The following PALLD variants were observed in gnomAD, a reference collection of about 807,000 sequenced individuals.
The protein encoded by PALLD is palladin, cytoskeletal associated protein, also known as palladin.
A neutral mutation model predicts 123.5 loss-of-function variants in PALLD; 61 were observed. That is an observed-to-expected ratio of 0.49 (90% CI 0.40 to 0.61). The LOEUF (loss-of-function observed/expected upper bound fraction) is 0.61, where lower values mean the gene tolerates loss of function less well. Among genes scored for constraint, PALLD ranks in the 20% least tolerant of loss-of-function variants. The pLI is 0.00. For synonymous variants in PALLD, 465 were observed against 496.4 expected (o/e 0.94, Z 0.84); for missense variants, 1,273 against 1,377.0 (o/e 0.92, Z 1.20).
intron 10 of PALLD, among the ~76,000 whole-genome samples, chr4:168,833,546 G>A (rs1046261266): frequency 2.6e-4 from 39 of 152,076 alleles, no homozygotes; most frequent in African/African-American, 9.2e-4. Flanking sequence ...GCCTTGAAAA[G>A]CTCCCCTCCG....
chr4:168,790,752 TACAC>T (rs773403677), intron 10 of PALLD, among the ~76,000 whole-genome samples: 178 of 152,308 alleles, frequency 1.2e-3, no homozygotes, highest in Admixed American at 3.7e-3. Flanking sequence ...CTAGCATGCA[TACAC>T]ACACACTGAG....
chr4:168,631,605 G>C, intron 2 of PALLD: 1 of 985,520 alleles, frequency 1.0e-6, no homozygotes, highest in Non-Finnish European at 1.2e-6. Context: ...GCCCCTCGGC[G>C]AGACGCGGCG....
chr4:168,501,801 G>A (rs1761435480), intron 1 of PALLD, among the ~76,000 whole-genome samples: 1 of 152,162 alleles, frequency 6.6e-6, no homozygotes, highest in African/African-American at 2.4e-5. Context: ...CGCCAAGGGT[G>A]TGCCCCCCAA....
chr4:168,675,377 A>G (rs1384267918), intron 3 of PALLD, among the ~76,000 whole-genome samples: 1 of 152,200 alleles, frequency 6.6e-6, no homozygotes, highest in East Asian at 1.9e-4. Flanking sequence ...GCCCCTTTGA[A>G]GTGACATTGT....
chr4:168,774,839 T>A (rs1308204507), intron 10 of PALLD, among the ~76,000 whole-genome samples: 1 of 151,446 alleles, frequency 6.6e-6, no homozygotes, highest in East Asian at 2.0e-4. Context: ...TAACCGCTGA[T>A]CTGTTTTCTG....
intron 2 of PALLD, among the ~76,000 whole-genome samples, chr4:168,612,008 A>C (rs1185932052): frequency 6.6e-6 from 1 of 152,086 alleles, no homozygotes; most frequent in Non-Finnish European, 1.5e-5. Context: ...AAAAGTACAA[A>C]TATTAGCCAG....
chr4:168,755,515 T>G (rs1047771544), intron 10 of PALLD, among the ~76,000 whole-genome samples: 1 of 151,732 alleles, frequency 6.6e-6, no homozygotes, highest in African/African-American at 2.4e-5. Flanking sequence ...GGGGATACAG[T>G]AGAAGATGAG....
chr4:168,512,233 C>A lies in PALLD; in HGVS notation c.729C>A (p.Tyr243Ter). The change falls in exon 2 of 22, where the codon TAC (tyrosine) becomes TAA (stop). Residue 243 changes from tyrosine to a stop codon, truncating the protein, a stop_gained. Transcript: ENST00000505667. LOFTEE classifies it high-confidence loss of function. ...EVKSPGARHC[Y>*]QDNQDLAVPH... is the part of the protein sequence containing the mutation. ...AGTCCCCTGGGGCCAGGCATTGCTA[C>A]CAGGACAACCAGGACTTGGCAGTGC... 1 of 1,613,842 alleles carries A rather than the reference C, an allele frequency of 6.2e-7. No homozygotes were observed. The highest frequency in any genetic ancestry group is 8.5e-7 in the Non-Finnish European group (1 of 1,179,828).
chr4:168,672,806 T>A (rs571188717), intron 3 of PALLD, among the ~76,000 whole-genome samples: 1 of 152,106 alleles, frequency 6.6e-6, no homozygotes, highest in Admixed American at 6.5e-5. Flanking sequence ...TTCTCACTCA[T>A]ATGTGAAAAC....
At chr4:168,888,587 C>T (rs1012575572) in intron 10 of PALLD, among the ~76,000 whole-genome samples, 1 of 152,162 alleles carries the variant, frequency 6.6e-6, no homozygotes, top group Non-Finnish European at 1.5e-5. Context: ...GCATTTCTTC[C>T]TTCTGTTTCT....
chr4:168,721,711 C>T (rs1021405497), intron 10 of PALLD, among the ~76,000 whole-genome samples: 1 of 152,178 alleles, frequency 6.6e-6, no homozygotes, highest in African/African-American at 2.4e-5. Context: ...TTTGACTGTT[C>T]ATCATGGATG....
At chr4:168,777,150 C>T (rs1404879128) in intron 10 of PALLD, among the ~76,000 whole-genome samples, 2 of 152,052 alleles carry the variant, frequency 1.3e-5, no homozygotes, top group Non-Finnish European at 2.9e-5. Context: ...GAGGTCCTGA[C>T]TGAAGTTTAT....
chr4:168,671,917 C>T (rs145473604), intron 3 of PALLD, among the ~76,000 whole-genome samples: 5 of 152,116 alleles, frequency 3.3e-5, no homozygotes, highest in Non-Finnish European at 7.4e-5. Context: ...GTTTAACAAC[C>T]TACAAATTAG....
At chr4:168,588,099 C>T (rs1417148639) in intron 2 of PALLD, among the ~76,000 whole-genome samples, 2 of 152,072 alleles carry the variant, frequency 1.3e-5, no homozygotes, top group Non-Finnish European at 2.9e-5. Flanking sequence ...GGAATGTCTG[C>T]GGAGTGCCCA....
rs1762679527 is a variant in PALLD at position 168,927,216 on chromosome 4, G to C, written c.*1036G>C. The C allele has an allele frequency of 4.3e-6, 1 of 231,006 alleles. No individual in the cohort carries two copies. Among genetic ancestry groups the C allele is most frequent in the Admixed American group, 5.6e-5 (1 of 17,708 alleles). 14.3% of individuals were successfully genotyped at this position (231,006 alleles called of 1,614,324 possible). A position where few individuals can be genotyped will look rare whatever the true frequency, so the allele number is the denominator to read the frequency against. On this transcript the variant is annotated 3_prime_UTR_variant, in exon 22 of 22. Coordinates refer to ENST00000505667, the MANE Select transcript of PALLD (RefSeq NM_001166108.2). ...ATCAGGGGTTTGGAAGGAGTAGGGAGGAGAATGAAGGAAAATGCAACCAGC... is the reference window on the plus strand; with the variant it reads ...ATCAGGGGTTTGGAAGGAGTAGGGACGAGAATGAAGGAAAATGCAACCAGC...
intron 11 of PALLD, chr4:168,894,322 C>G (rs562583694): frequency 1.4e-4 from 67 of 491,958 alleles, no homozygotes; most frequent in Non-Finnish European, 2.1e-4. Flanking sequence ...GTGGTTTCTT[C>G]CTTGTCGCTT....
At chr4:168,685,604 T>C in intron 6 of PALLD, 45 bp downstream of exon 6, 1 of 1,274,054 alleles carries the variant, frequency 7.8e-7, no homozygotes. Context: ...CTTTGGTCCT[T>C]AAATTTCATT....
intron 2 of PALLD, among the ~76,000 whole-genome samples, chr4:168,569,057 C>T (rs1336913065): frequency 6.6e-6 from 1 of 152,044 alleles, no homozygotes. Context: ...TGTTAAAATT[C>T]GGACAGTGAC....
intron 10 of PALLD, among the ~76,000 whole-genome samples, chr4:168,785,900 A>T (rs1736685556): frequency 7.9e-6 from 1 of 127,350 alleles, no homozygotes; most frequent in African/African-American, 2.7e-5. Flanking sequence ...CAACTTGAAG[A>T]AAGTTGCTGA....
Sources: allele counts gnomAD v4.1 joint callset (sites outside exome capture counted in the v4.1 genomes callset), GRCh38; gene constraint gnomAD v4.1.1; transcripts MANE v1.5; gene names NCBI Gene and HGNC (gene_info 2026-07-23, HGNC 2026-07-21).